B3GALT1: variants seen among roughly 807,000 people sequenced by gnomAD.
B3GALT1 encodes UDP-Gal:betaGlcNAc beta 1,3-galactosyltransferase, polypeptide 1.
In B3GALT1, 10 loss-of-function variants were observed where a neutral mutation model predicts 23.2. The ratio of observed to expected loss-of-function variants is 0.43; its 90% CI spans 0.27 to 0.73. B3GALT1 has a LOEUF of 0.73. Among genes scored for constraint, B3GALT1 ranks in the 30% least tolerant of loss-of-function variants. The probability of loss-of-function intolerance (pLI) is 0.21; values close to 1 mark genes in which losing one functional copy is unlikely to be tolerated. For synonymous variants in B3GALT1, 156 were observed against 141.5 expected (o/e 1.10, Z -0.73); for missense variants, 299 against 405.4 (o/e 0.74, Z 2.25).
intron 1 of B3GALT1, among the ~76,000 whole-genome samples, chr2:167,478,917 T>C (rs937028234): frequency 2.6e-5 from 4 of 152,114 alleles, no homozygotes; most frequent in East Asian, 1.9e-4. Flanking sequence ...TTTTCAGATA[T>C]AAGCTTCAGC....
chr2:167,484,081 C>G (rs150209812), intron 1 of B3GALT1, among the ~76,000 whole-genome samples: 1 of 152,286 alleles, frequency 6.6e-6, no homozygotes, highest in East Asian at 1.9e-4. Context: ...TAAGCAACCT[C>G]TTTTAATAAG....
At chr2:167,776,040 GCA>G (rs71003011) in intron 3 of B3GALT1, among the ~76,000 whole-genome samples, 10,711 of 142,240 alleles carry the variant, frequency 0.075, 513 homozygotes, top group East Asian at 0.17. Context: ...ATGCAACTGT[GCA>G]CACACACACA....
chr2:167,415,980 G>A (rs1698462366), intron 1 of B3GALT1, among the ~76,000 whole-genome samples: 1 of 151,966 alleles, frequency 6.6e-6, no homozygotes, highest in Admixed American at 6.6e-5. Context: ...CTTAAAGATG[G>A]AATTTATAAT....
intron 2 of B3GALT1, among the ~76,000 whole-genome samples, chr2:167,604,142 A>C (rs965665413): frequency 6.6e-6 from 1 of 152,202 alleles, no homozygotes; most frequent in Non-Finnish European, 1.5e-5. Flanking sequence ...CACATTGCAC[A>C]TACACAATAA....
chr2:167,487,747 A>G (rs538729493), intron 1 of B3GALT1, among the ~76,000 whole-genome samples: 17 of 152,140 alleles, frequency 1.1e-4, no homozygotes, highest in Non-Finnish European at 2.2e-4. Context: ...AGTGAGGGGG[A>G]TATATGTATC....
intron 2 of B3GALT1, among the ~76,000 whole-genome samples, chr2:167,583,158 A>G (rs1405124311): frequency 2.0e-5 from 3 of 152,306 alleles, no homozygotes; most frequent in Non-Finnish European, 4.4e-5. Flanking sequence ...GAGAAGCAAG[A>G]TTAAGCCTCA....
At chr2:167,774,539 C>A (rs1319473205) in intron 3 of B3GALT1, among the ~76,000 whole-genome samples, 1 of 142,022 alleles carries the variant, frequency 7.0e-6, no homozygotes, top group Non-Finnish European at 1.5e-5. Context: ...GCTCTGTCAC[C>A]CAGGCTGGAG....
Position 167,870,151 on chromosome 2 carries a change from G to A in B3GALT1, c.*131G>A, listed in dbSNP as rs1421387421. The A allele has an allele frequency of 4.2e-6, 4 of 944,114 alleles. No homozygotes were observed. The highest frequency in any genetic ancestry group is 6.0e-5 in the Admixed American group (2 of 33,306). 58.5% of individuals were successfully genotyped at this position (944,114 alleles called of 1,614,324 possible). ...GTAAAGTTTTTGCTTCCTGCTATAA[G>A]TTCTTTTCTTGGATTACCAATTTAT... On this transcript the variant is annotated 3_prime_UTR_variant, in exon 5 of 5. Transcript: ENST00000392690.
chr2:167,350,328 TTATA>T (rs1463918757), intron 1 of B3GALT1, among the ~76,000 whole-genome samples: 1 of 152,206 alleles, frequency 6.6e-6, no homozygotes. Flanking sequence ...TCAACTATGA[TTATA>T]TAAGGAAAGG....
intron 1 of B3GALT1, among the ~76,000 whole-genome samples, chr2:167,455,874 G>A (rs747406759): frequency 1.1e-4 from 16 of 151,958 alleles, no homozygotes; most frequent in Admixed American, 4.6e-4. Context: ...AATATACATC[G>A]AATTGTAGAG....
chr2:167,298,244 G>A (rs1696389095), intron 1 of B3GALT1, among the ~76,000 whole-genome samples: 2 of 152,056 alleles, frequency 1.3e-5, no homozygotes, highest in Admixed American at 1.3e-4. Context: ...TTTACTCCAG[G>A]AAGTTGATAT....
intron 1 of B3GALT1, among the ~76,000 whole-genome samples, chr2:167,407,248 G>T (rs1325243258): frequency 6.6e-6 from 1 of 152,066 alleles, no homozygotes; most frequent in East Asian, 1.9e-4. Context: ...CAACCAGTGG[G>T]TCAATGAAGA....
At chr2:167,500,494 A>G (rs1231044970) in intron 2 of B3GALT1, among the ~76,000 whole-genome samples, 4 of 152,126 alleles carry the variant, frequency 2.6e-5, no homozygotes, top group Admixed American at 6.5e-5. Flanking sequence ...TATTTGTTCT[A>G]TGAATCGGGG....
chr2:167,422,780 G>A (rs886545917), intron 1 of B3GALT1, among the ~76,000 whole-genome samples: 2 of 152,156 alleles, frequency 1.3e-5, no homozygotes, highest in African/African-American at 4.8e-5. Context: ...GGACAGAGGT[G>A]CATTTTTTTC....
chr2:167,818,364 C>T (rs1452345205), intron 3 of B3GALT1, among the ~76,000 whole-genome samples: 1 of 152,186 alleles, frequency 6.6e-6, no homozygotes, highest in Non-Finnish European at 1.5e-5. Context: ...CTCAGTAGCT[C>T]ATCACAGTAC....
At chr2:167,406,810 C>A (rs1559087109) in intron 1 of B3GALT1, among the ~76,000 whole-genome samples, 1 of 152,126 alleles carries the variant, frequency 6.6e-6, no homozygotes, top group East Asian at 1.9e-4. Flanking sequence ...ATACAGATCC[C>A]CTGGGGATGG....
intron 1 of B3GALT1, among the ~76,000 whole-genome samples, chr2:167,426,138 G>A (rs1440135343): frequency 6.6e-6 from 1 of 152,100 alleles, no homozygotes; most frequent in African/African-American, 2.4e-5. Flanking sequence ...GTGATCTCCA[G>A]TTATTACCAG....
rs1384862963 is a variant in B3GALT1 at position 167,806,206 on chromosome 2, C to T, written c.-351-12466C>T. Among the ~76,000 whole-genome samples, 387 of 152,166 alleles carry T rather than the reference C, an allele frequency of 2.5e-3. 2 individuals carry two copies. Among genetic ancestry groups the T allele is most frequent in the Non-Finnish European group, 3.9e-3 (265 of 67,966 alleles). On this transcript the variant is annotated intron_variant, in intron 3 of 4. Transcript: ENST00000392690. ...ATCCTGAGACTTTGCTGAAGTTGCC[C>T]ATCAGCTTAAGGAGATTTTGGGCTG...
intron 1 of B3GALT1, among the ~76,000 whole-genome samples, chr2:167,441,351 A>G (rs146063437): frequency 6.6e-5 from 10 of 152,320 alleles, no homozygotes; most frequent in African/African-American, 1.4e-4. Flanking sequence ...GGAGTTAAAC[A>G]GGTATTTTTT....
Sources: allele counts gnomAD v4.1 joint callset (sites outside exome capture counted in the v4.1 genomes callset), GRCh38; gene constraint gnomAD v4.1.1; transcripts MANE v1.5; gene names NCBI Gene and HGNC (gene_info 2026-07-23, HGNC 2026-07-21).